The following ASB16 variants were observed in gnomAD, a reference collection of about 807,000 sequenced individuals.
ASB16 encodes ankyrin repeat and SOCS box protein 16.
In ASB16, 44 loss-of-function variants were observed where a neutral mutation model predicts 39.1. The observed-to-expected ratio is 1.13, with a 90% confidence interval of 0.88 to 1.45. The LOEUF (loss-of-function observed/expected upper bound fraction) is 1.45. Among genes scored for constraint, ASB16 ranks in the 40% most tolerant of loss-of-function variants. The pLI is 0.00. For synonymous variants in ASB16, 305 were observed against 286.7 expected (o/e 1.06, Z -0.64); for missense variants, 698 against 634.5 (o/e 1.10, Z -1.07).
At chr17:44,173,366 C>A (rs2054259189) in intron 2 of ASB16, among the ~76,000 whole-genome samples, 1 of 148,856 alleles carries the variant, frequency 6.7e-6, no homozygotes, top group Non-Finnish European at 1.5e-5. Context: ...ACACACTAGC[C>A]CCTGCAACAG....
intron 2 of ASB16, 97 bp downstream of exon 2, chr17:44,172,410 T>C: frequency 7.0e-7 from 1 of 1,431,414 alleles, no homozygotes; most frequent in Non-Finnish European, 9.5e-7. Context: ...CACATGCAGC[T>C]TTGTGGTTCA....
At chr17:44,175,820 T>C (rs2054283162) in intron 2 of ASB16, among the ~76,000 whole-genome samples, 1 of 152,130 alleles carries the variant, frequency 6.6e-6, no homozygotes, top group Non-Finnish European at 1.5e-5. Flanking sequence ...AACCTGTTTT[T>C]GTTTTTGTTT....
At chr17:44,175,273 G>C (rs1254366750) in intron 2 of ASB16, among the ~76,000 whole-genome samples, 1 of 149,816 alleles carries the variant, frequency 6.7e-6, no homozygotes, top group African/African-American at 2.5e-5. Flanking sequence ...ATGGTGATGG[G>C]TGCCTGTAGT....
At chr17:44,176,478 A>G (rs2054291680) in intron 2 of ASB16, 1 of 578,514 alleles carries the variant, frequency 1.7e-6, no homozygotes, top group Admixed American at 3.0e-5. Flanking sequence ...TTTCTGGTGC[A>G]GCCACTAACT....
At chr17:44,172,654 C>A (rs1342130898) in intron 2 of ASB16, among the ~76,000 whole-genome samples, 1 of 151,910 alleles carries the variant, frequency 6.6e-6, no homozygotes, top group Admixed American at 6.6e-5. Flanking sequence ...GAGACGAAGT[C>A]TTGCTCTGTT....
chr17:44,172,168 G>C lies in ASB16; in HGVS notation c.424G>C (p.Gly142Arg). Residue 142 changes from glycine to arginine, a missense_variant, in exon 2 of 5, where the codon GGG (glycine) becomes CGG (arginine). Physicochemically the swap from Gly to Arg is moderately radical, Grantham distance 125. Transcript: ENST00000293414. ...GGGAGCTGAGCTGGATGCCCGTGTCGGGGGTCGCGCTGCCTTGCATGAGGC... is the reference window on the plus strand; with the variant it reads ...GGGAGCTGAGCTGGATGCCCGTGTCCGGGGTCGCGCTGCCTTGCATGAGGC... ...RQGAELDARV[G>R]GRAALHEACA... is the part of the protein sequence containing the mutation. 3 of 1,612,270 alleles carry C rather than the reference G, an allele frequency of 1.9e-6. No individual in the cohort carries two copies. The highest frequency in any genetic ancestry group is 2.5e-6 in the Non-Finnish European group (3 of 1,180,024).
rs150322450 is a variant in ASB16, at chr17:44,177,719, G to C, written c.1173G>C (p.Trp391Cys). 128 of 1,613,538 alleles carry C rather than the reference G, an allele frequency of 7.9e-5. No individual in the cohort carries two copies. In the African/African-American group the frequency reaches 1.5e-3, roughly 19 times the overall value. The change falls in exon 4 of 5, where the codon TGG becomes TGC. Residue 391 changes from tryptophan (W) to cysteine (C), a missense_variant. Physicochemically the swap from Trp to Cys is radical, Grantham distance 215 (BLOSUM62 -2). Coordinates refer to ENST00000293414, the MANE Select transcript of ASB16 (RefSeq NM_080863.5). ...TWVEAVLPEL[W>C]KEHEAFYSSA... Reference sequence around the variant, plus strand: ...TGGAGGCGGTGCTCCCAGAGCTGTGGAAGGTATGTTTGCCTCAGGGCCGAG... The same window carrying C: ...TGGAGGCGGTGCTCCCAGAGCTGTGCAAGGTATGTTTGCCTCAGGGCCGAG...
chr17:44,173,099 A>C (rs547634426), intron 2 of ASB16, among the ~76,000 whole-genome samples: 3 of 147,692 alleles, frequency 2.0e-5, no homozygotes, highest in South Asian at 2.1e-4. Flanking sequence ...AAAAAAAAAA[A>C]AAAAAAAAGC....
At position 44,170,992 on chromosome 17, in the gene ASB16, G is replaced by A. The variant is rs760686231; in HGVS notation, c.203G>A (p.Gly68Asp). The A allele has an allele frequency of 6.2e-7, 1 of 1,613,930 alleles. No individual in the cohort carries two copies. The highest frequency in any genetic ancestry group is 8.5e-7 in the Non-Finnish European group (1 of 1,180,002). ...DPAVHQALFS[G>D]NLQQVQALFQ... is the part of the protein sequence containing the mutation. ...GCTGTCCACCAAGCCCTCTTCTCCG[G>A]CAACCTGCAGCAGGTCCAAGCCCTG... is the stretch of plus-strand genomic sequence containing the variant. The change falls in exon 1 of 5, where the codon GGC (glycine) becomes GAC (aspartate). Residue 68 changes from glycine (G) to aspartate (D), a missense_variant. Physicochemically the swap from Gly to Asp is moderately conservative, Grantham distance 94. Coordinates refer to ENST00000293414, the MANE Select transcript of ASB16 (RefSeq NM_080863.5).
chr17:44,173,428 C>T (rs1169396291), intron 2 of ASB16, among the ~76,000 whole-genome samples: 1 of 151,916 alleles, frequency 6.6e-6, no homozygotes, highest in Non-Finnish European at 1.5e-5. Flanking sequence ...TTCAGTGGCT[C>T]ACACCTGTAA....
In ASB16 at chr17:44,178,268, C is replaced by T. The variant is rs142518041; in HGVS notation, c.1240C>T (p.Leu414=). ...MVNQPRQLQH[L]ARLAVRARLG... ...GAACCAGCCAAGGCAGCTGCAGCAC[C>T]TGGCCCGACTAGCTGTGCGCGCTCG... The change falls in exon 5 of 5, where the codon CTG becomes TTG. Residue 414 remains leucine (L), a synonymous_variant. Coordinates refer to ENST00000293414, the MANE Select transcript of ASB16 (RefSeq NM_080863.5). 19 of 1,613,390 alleles carry T rather than the reference C, an allele frequency of 1.2e-5. No homozygotes were observed. The highest frequency in any genetic ancestry group is 1.5e-5 in the Non-Finnish European group (18 of 1,179,958).
chr17:44,176,825 G>A lies in ASB16; in HGVS notation c.657G>A (p.Ala219=), dbSNP rs767657892. 8.7e-6 allele frequency: 14 copies of A among 1,612,162 alleles called. No homozygotes were observed. The highest frequency in any genetic ancestry group is 4.5e-5 in the East Asian group (2 of 44,874). The change falls in exon 3 of 5, where the codon GCG becomes GCA. Residue 219 remains alanine (A), a synonymous_variant. Transcript: ENST00000293414. The stretch of plus-strand genomic sequence containing the variant: ...AGACGCCCCTGCACGTGGCGGCGGC[G>A]CGCGGCCTGGAGCAACATGTGGCTC... ...SQETPLHVAA[A]RGLEQHVALY... is the part of the protein sequence containing the mutation.
intron 3 of ASB16, 102 bp downstream of exon 3, chr17:44,177,332 C>T: frequency 7.0e-7 from 1 of 1,423,140 alleles, no homozygotes; most frequent in Non-Finnish European, 9.3e-7. Context: ...AGACTGAAAG[C>T]CTGCCCTCAG....
chr17:44,173,458 G>A (rs765762258), intron 2 of ASB16, among the ~76,000 whole-genome samples: 1 of 151,970 alleles, frequency 6.6e-6, no homozygotes, highest in Non-Finnish European at 1.5e-5. Context: ...TTTTGGAGGC[G>A]GAGGCAGGAG....
chr17:44,177,401 C>A, intron 3 of ASB16, 171 bp downstream of exon 3: 3 of 1,190,154 alleles, frequency 2.5e-6, no homozygotes, highest in Non-Finnish European at 3.5e-6. Flanking sequence ...AGAGAGAGTC[C>A]AAGGGAGGGA....
Position 44,178,508 on chromosome 17 carries a change from T to A in ASB16, c.*118T>A. On this transcript the variant is annotated 3_prime_UTR_variant, in exon 5 of 5. Transcript: ENST00000293414. Reference sequence around the variant, plus strand: ...TTCTTTTTGAGACCTAGTCTCACTCTGTTGCCCAGGCTGGAGTGCAGTGGC... The same window carrying A: ...TTCTTTTTGAGACCTAGTCTCACTCAGTTGCCCAGGCTGGAGTGCAGTGGC... 8.9e-7 allele frequency: 1 copy of A among 1,127,712 alleles called. No homozygotes were observed. The highest frequency in any genetic ancestry group is 3.0e-4 in the Middle Eastern group (1 of 3,298). The allele number at this position is 1,127,712 out of a possible 1,614,324, so 69.9% of individuals were successfully genotyped here.
chr17:44,170,853 T>A lies in ASB16; in HGVS notation c.64T>A (p.Trp22Arg), dbSNP rs201364601. 7.1e-5 allele frequency: 115 copies of A among 1,611,186 alleles called. 1 individual carries two copies. The highest frequency in any genetic ancestry group is 5.1e-6 in the Non-Finnish European group (6 of 1,179,460). ...MLRSLRLQQEWLEWEDRRRAA... is the reference protein window; with the variant it reads ...MLRSLRLQQERLEWEDRRRAA... ...GCGCTCTCTCCGCCTGCAGCAGGAG[T>A]GGCTGGAATGGGAGGACCGGCGGCG... is the stretch of plus-strand genomic sequence containing the variant. Residue 22 changes from tryptophan (W) to arginine (R), a missense_variant, in exon 1 of 5, where the codon TGG (tryptophan) becomes AGG (arginine). By Grantham distance (101) the Trp-to-Arg change is moderately radical (BLOSUM62 -3). Coordinates refer to ENST00000293414, the MANE Select transcript of ASB16 (RefSeq NM_080863.5).
rs1181959545 is a variant in ASB16 at position 44,172,115 on chromosome 17, CAG to C, written c.373_374del (p.Asp125LeufsTer11). 1.2e-6 allele frequency: 2 copies of C among 1,611,722 alleles called. No homozygotes were observed. The highest frequency in any genetic ancestry group is 8.5e-7 in the Non-Finnish European group (1 of 1,180,004). On this transcript the variant is annotated frameshift_variant, in exon 2 of 5. Coordinates refer to ENST00000293414, the MANE Select transcript of ASB16 (RefSeq NM_080863.5). LOFTEE classifies it high-confidence loss of function. ...GCCATCGCTACAGCCCGAGGCTACA[CAG>C]ACTGTGCTCGACACCTGATCCGGCA...
rs569033296 is a variant in ASB16 at position 44,177,017 on chromosome 17, G to A, written c.849G>A (p.Lys283=). The A allele has an allele frequency of 8.7e-6, 13 of 1,490,722 alleles. No homozygotes were observed. Among genetic ancestry groups the A allele is most frequent in the Non-Finnish European group, 1.1e-5 (13 of 1,132,880 alleles). 92.3% of individuals were successfully genotyped at this position (1,490,722 alleles called of 1,614,324 possible). ...CTGATGCCCGGGCGGCCGGGCGCAA[G>A]CGCCACACGCCGCTGCACAACGCTT... The part of the protein sequence containing the change: ...AGADARAAGR[K]RHTPLHNACA... The change falls in exon 3 of 5, where the codon AAG becomes AAA. Residue 283 remains lysine (K), a synonymous_variant. Coordinates refer to ENST00000293414, the MANE Select transcript of ASB16 (RefSeq NM_080863.5).
Sources: gnomAD v4.1 joint callset for allele counts (sites outside exome capture counted in the v4.1 genomes callset) on GRCh38, gnomAD v4.1.1 for gene constraint, MANE v1.5 for transcripts, NCBI Gene and HGNC (gene_info 2026-07-23, HGNC 2026-07-21) for gene names.